The following ACVR1 variants were observed in gnomAD, a reference collection of about 807,000 sequenced individuals.
The protein encoded by ACVR1 is activin receptor type-1.
ACVR1 carries 38 observed loss-of-function variants against 57.1 expected under a neutral mutation model. The ratio of observed to expected loss-of-function variants is 0.67; its 90% CI spans 0.51 to 0.87. ACVR1 has a LOEUF of 0.87. ACVR1 is among the 40% of genes least tolerant of loss of function. The pLI, the probability that ACVR1 is intolerant of heterozygous loss-of-function variation, is 0.00. For missense variants in ACVR1, 463 were observed against 638.2 expected, an observed-to-expected ratio of 0.73 and a Z score of 2.96; for synonymous variants, 212 against 228.1, an observed-to-expected ratio of 0.93 and a Z score of 0.63.
At chr2:157,772,102 C>A (rs930975482) in intron 6 of ACVR1, among the ~76,000 whole-genome samples, 2 of 152,074 alleles carry the variant, frequency 1.3e-5, no homozygotes, top group African/African-American at 4.8e-5. Context: ...TTAAAGAAAA[C>A]AGAAGATGAA....
intron 9 of ACVR1, among the ~76,000 whole-genome samples, chr2:157,753,364 C>T (rs936067199): frequency 5.3e-5 from 8 of 152,062 alleles, no homozygotes; most frequent in African/African-American, 1.9e-4. Context: ...CCTGTTTCTC[C>T]TAAAAATACA....
intron 1 of ACVR1, among the ~76,000 whole-genome samples, chr2:157,860,630 G>A (rs1398241066): frequency 6.6e-6 from 1 of 152,038 alleles, no homozygotes; most frequent in South Asian, 2.1e-4. Flanking sequence ...TTTTGGTGAA[G>A]CACCTTATAC....
chr2:157,849,306 A>G (rs1319755084), intron 1 of ACVR1, among the ~76,000 whole-genome samples: 3 of 152,346 alleles, frequency 2.0e-5, no homozygotes, highest in South Asian at 4.1e-4. Context: ...ACTATGTACT[A>G]TTGTTTCAAA....
At chr2:157,863,336 C>CTTTTTTTTTTTTTTTTTTTT (rs1161335923) in intron 1 of ACVR1, among the ~76,000 whole-genome samples, 2 of 35,686 alleles carry the variant, frequency 5.6e-5, no homozygotes, top group Non-Finnish European at 9.6e-5. Flanking sequence ...AATTGTTTCT[C>CTTTTTTTTTTTTTTTTTTTT]TTTTTTTTTT....
chr2:157,855,342 AC>A (rs1356388863), intron 1 of ACVR1, among the ~76,000 whole-genome samples: 232 of 130,474 alleles, frequency 1.8e-3, no homozygotes, highest in African/African-American at 5.5e-3. Context: ...ACACACACAC[AC>A]ACAAAAATTA....
At chr2:157,787,366 C>A (rs1686751337) in intron 3 of ACVR1, among the ~76,000 whole-genome samples, 1 of 152,146 alleles carries the variant, frequency 6.6e-6, no homozygotes. Context: ...CTTCTTGAAT[C>A]TCTGCTTTGG....
At chr2:157,874,515 A>G (rs1690215445) in intron 1 of ACVR1, among the ~76,000 whole-genome samples, 2 of 152,208 alleles carry the variant, frequency 1.3e-5, no homozygotes, top group Admixed American at 1.3e-4. Flanking sequence ...ACCCACCTCC[A>G]GAGACAAGTG....
intron 9 of ACVR1, among the ~76,000 whole-genome samples, chr2:157,740,674 C>CTA (rs1430285343): frequency 6.6e-6 from 1 of 152,168 alleles, no homozygotes; most frequent in Non-Finnish European, 1.5e-5. Context: ...TTGAAGTTTT[C>CTA]TATAAATGCA....
chr2:157,750,543 A>T (rs1025339183), intron 9 of ACVR1, among the ~76,000 whole-genome samples: 2 of 152,226 alleles, frequency 1.3e-5, no homozygotes, highest in Non-Finnish European at 1.5e-5. Context: ...TACACTAGTG[A>T]ACACACCCAG....
chr2:157,757,204 C>T (rs1202457146), intron 9 of ACVR1, among the ~76,000 whole-genome samples: 7 of 151,238 alleles, frequency 4.6e-5, no homozygotes, highest in African/African-American at 1.2e-4. Context: ...CAAACAAACA[C>T]TCAACCAAAA....
chr2:157,774,895 G>A (rs1686220522), intron 5 of ACVR1, among the ~76,000 whole-genome samples: 3 of 152,018 alleles, frequency 2.0e-5, no homozygotes, highest in Non-Finnish European at 4.4e-5. Context: ...AAAGGGTGGG[G>A]GGGGTCCTTT....
At chr2:157,875,572 C>A (rs1360269651) in intron 1 of ACVR1, 3 of 152,590 alleles carry the variant, frequency 2.0e-5, no homozygotes, top group Non-Finnish European at 2.9e-5. Context: ...CCCCCACCCC[C>A]CATATCCCAC....
intron 9 of ACVR1, among the ~76,000 whole-genome samples, chr2:157,753,506 C>T (rs779551856): frequency 8.6e-5 from 13 of 151,970 alleles, no homozygotes; most frequent in South Asian, 4.2e-4. Flanking sequence ...CCAGCCTGGG[C>T]GACAGAGCGA....
At chr2:157,813,168 G>T (rs1687809584) in intron 2 of ACVR1, among the ~76,000 whole-genome samples, 1 of 151,704 alleles carries the variant, frequency 6.6e-6, no homozygotes, top group South Asian at 2.1e-4. Context: ...GACTTAAAAT[G>T]GGGAGACTTA....
intron 7 of ACVR1, among the ~76,000 whole-genome samples, chr2:157,766,796 G>C (rs1685878627): frequency 6.6e-6 from 1 of 152,202 alleles, no homozygotes. Context: ...AAACCAAGAT[G>C]ATAGTGTTTG....
intron 9 of ACVR1, among the ~76,000 whole-genome samples, chr2:157,742,437 C>A (rs1320933217): frequency 1.3e-5 from 2 of 152,072 alleles, no homozygotes; most frequent in African/African-American, 4.8e-5. Flanking sequence ...TGTAAGGCGG[C>A]CAGCGTGACT....
rs117177161 is a variant in ACVR1, at chr2:157,828,736, T to A, written c.-182-10177A>T. On this transcript the variant is annotated intron_variant, in intron 1 of 10. Transcript: ENST00000434821. ...TTTATTTAATTTAGCAGTTTCATTC[T>A]TAACTCAGAGATTAGTTTTTTGTTT... Among the ~76,000 whole-genome samples, 27 of 152,024 alleles carry A rather than the reference T, an allele frequency of 1.8e-4. No individual in the cohort carries two copies. The East Asian group carries it at 4.4e-3, about 25-fold the overall frequency.
intron 9 of ACVR1, among the ~76,000 whole-genome samples, chr2:157,744,762 T>G (rs1211060768): frequency 6.6e-6 from 1 of 152,230 alleles, no homozygotes; most frequent in Non-Finnish European, 1.5e-5. Context: ...ATATTTCTCA[T>G]GCCACGGCAC....
chr2:157,740,052 C>T (rs907796202), intron 9 of ACVR1, among the ~76,000 whole-genome samples: 8 of 151,946 alleles, frequency 5.3e-5, no homozygotes, highest in African/African-American at 1.7e-4. Context: ...GGTGTGTTGG[C>T]GCGTGCCTGT....
Sources: gnomAD v4.1 joint callset for allele counts (sites outside exome capture counted in the v4.1 genomes callset) on GRCh38, gnomAD v4.1.1 for gene constraint, MANE v1.5 for transcripts, NCBI Gene and HGNC (gene_info 2026-07-23, HGNC 2026-07-21) for gene names.